The following VAV2 variants were observed in gnomAD, a reference collection of about 807,000 sequenced individuals.
The protein encoded by VAV2 is vav guanine nucleotide exchange factor 2, also known as guanine nucleotide exchange factor VAV2.
In VAV2, 67 loss-of-function variants were observed where a neutral mutation model predicts 132.5. That is an observed-to-expected ratio of 0.51 (90% CI 0.42 to 0.62). The LOEUF is 0.62. VAV2 is among the 20% of genes least tolerant of loss of function. The pLI is 0.00. For synonymous variants in VAV2, 492 were observed against 443.5 expected (o/e 1.11, Z -1.37); for missense variants, 938 against 1,153.6 (o/e 0.81, Z 2.71).
Position 133,832,552 on chromosome 9 carries a change from G to GA in VAV2, c.449+1719dup, listed in dbSNP as rs1455443971. Among the ~76,000 whole-genome samples, 6 of 150,832 alleles carry GA rather than the reference G, an allele frequency of 4.0e-5. 1 individual carries two copies. In the South Asian group the frequency reaches 1.3e-3, roughly 32 times the overall value. Reference sequence around the variant, plus strand: ...TGCATGCTGGAGTGAGCTGTTTTTGGAATTTTCTTTTTTTTTTTTACCCCA... The same window carrying GA: ...TGCATGCTGGAGTGAGCTGTTTTTGGAAATTTTCTTTTTTTTTTTTACCCCA... On this transcript the variant is annotated intron_variant, in intron 4 of 29. Coordinates refer to ENST00000371850, the MANE Select transcript of VAV2 (RefSeq NM_001134398.2).
rs547612545 is a variant in VAV2 at position 133,992,186 on chromosome 9, G to A, written c.93C>T (p.Phe31=). The part of the protein sequence containing the change: ...HRVVWPSAVV[F]DLAQALRDGV... ...CGTCGCGCAGCGCCTGCGCCAGGTC[G>A]AAGACCACGGCCGAGGGCCACACCA... Residue 31 remains phenylalanine (F), a synonymous_variant, in exon 1 of 30, where the codon TTC becomes TTT. Transcript: ENST00000371850. The surrounding 1 kb of genome is among the most constrained non-coding windows in gnomAD (Gnocchi z 5.5). The A allele has an allele frequency of 8.3e-5, 132 of 1,598,604 alleles. 2 individuals are homozygous for A. The South Asian group carries it at 1.5e-3, about 18-fold the overall frequency.
At chr9:133,780,821 G>A (rs1484712370) in intron 19 of VAV2, 111 bp from the exon 20 acceptor site, 1 of 1,173,804 alleles carries the variant, frequency 8.5e-7, no homozygotes, top group South Asian at 4.4e-5. Flanking sequence ...GATGGTAAGT[G>A]AGCCAAGCTA....
chr9:133,868,868 C>T (rs1439114883), intron 2 of VAV2, among the ~76,000 whole-genome samples: 1 of 152,218 alleles, frequency 6.6e-6, no homozygotes, highest in Non-Finnish European at 1.5e-5. Context: ...CAGGTGGATG[C>T]AGGTGTGCCT....
intron 3 of VAV2, among the ~76,000 whole-genome samples, chr9:133,843,035 C>T (rs2131815475): frequency 6.6e-6 from 1 of 152,330 alleles, no homozygotes; most frequent in South Asian, 2.1e-4. Context: ...ACAGCTCCAA[C>T]TGTCAAAACA....
In VAV2 at chr9:133,788,780, G is replaced by A. The variant is rs535995080; in HGVS notation, c.1275-294C>T. On this transcript the variant is annotated intron_variant, in intron 14 of 29. Coordinates refer to ENST00000371850, the MANE Select transcript of VAV2 (RefSeq NM_001134398.2). This position sits in a 1 kb window ranked among gnomAD's most constrained non-coding sequence, Gnocchi z 5.3. The stretch of plus-strand genomic sequence containing the variant: ...GGCCTCCCATGCAGCACTGACCCCC[G>A]ACGGCTACTCCCAGTTGATCCCGCG... Among the ~76,000 whole-genome samples, 37 of 152,250 alleles carry A rather than the reference G, an allele frequency of 2.4e-4. No homozygotes were observed. The highest frequency in any genetic ancestry group is 3.9e-4 in the Admixed American group (6 of 15,306).
At chr9:133,946,498 C>A (rs948973205) in intron 1 of VAV2, among the ~76,000 whole-genome samples, 4 of 152,222 alleles carry the variant, frequency 2.6e-5, no homozygotes, top group Non-Finnish European at 5.9e-5. Flanking sequence ...CCACGCCCTG[C>A]GGCAAAGGCT....
chr9:133,873,660 G>A (rs1838148446), intron 2 of VAV2, among the ~76,000 whole-genome samples: 1 of 152,212 alleles, frequency 6.6e-6, no homozygotes, highest in Non-Finnish European at 1.5e-5. Context: ...GCATGAGGCA[G>A]CTGCATCAGG....
intron 1 of VAV2, among the ~76,000 whole-genome samples, chr9:133,983,165 C>A (rs2132297732): frequency 6.6e-6 from 1 of 152,292 alleles, no homozygotes; most frequent in South Asian, 2.1e-4. Flanking sequence ...CACACTGGCC[C>A]CACCAGGTTG....
intron 1 of VAV2, among the ~76,000 whole-genome samples, chr9:133,945,988 T>C (rs904584308): frequency 6.6e-6 from 1 of 152,230 alleles, no homozygotes; most frequent in African/African-American, 2.4e-5. Context: ...CCCACGATGC[T>C]GGGACTCTCA....
At chr9:133,915,857 G>T (rs1271864765) in intron 2 of VAV2, among the ~76,000 whole-genome samples, 4 of 131,220 alleles carry the variant, frequency 3.0e-5, no homozygotes, top group Non-Finnish European at 4.7e-5. Context: ...ACACACACAC[G>T]ATGTACATGT....
chr9:133,984,512 C>T (rs1456860362), intron 1 of VAV2, among the ~76,000 whole-genome samples: 1 of 152,160 alleles, frequency 6.6e-6, no homozygotes, highest in East Asian at 1.9e-4. Context: ...ACTTGGGAGG[C>T]TGTAGTGAAA....
intron 1 of VAV2, among the ~76,000 whole-genome samples, chr9:133,942,463 G>A (rs1012190737): frequency 2.6e-5 from 4 of 152,292 alleles, no homozygotes; most frequent in African/African-American, 9.6e-5. Flanking sequence ...GACAGCCCCA[G>A]ACACTGGAGC....
At chr9:133,819,553 C>T (rs1835705068) in intron 4 of VAV2, among the ~76,000 whole-genome samples, 1 of 152,182 alleles carries the variant, frequency 6.6e-6, no homozygotes, top group Admixed American at 6.5e-5. Flanking sequence ...AACATCCCTT[C>T]TCTCCCTTCC....
At chr9:133,940,686 T>TGCGTGTGCGTGTGCGTGC (rs146832734) in intron 1 of VAV2, among the ~76,000 whole-genome samples, 2 of 149,770 alleles carry the variant, frequency 1.3e-5, no homozygotes, top group Admixed American at 6.6e-5. Flanking sequence ...TGTGTGTGTG[T>TGCGTGTGCGTGTGCGTGC]GTGTGTGTGT....
intron 4 of VAV2, among the ~76,000 whole-genome samples, chr9:133,830,725 C>T (rs1836230646): frequency 6.6e-6 from 1 of 152,222 alleles, no homozygotes; most frequent in African/African-American, 2.4e-5. Flanking sequence ...TACATTACCT[C>T]CCCAAGTAGG....
At chr9:133,872,501 T>C (rs1167524440) in intron 2 of VAV2, among the ~76,000 whole-genome samples, 2 of 146,306 alleles carry the variant, frequency 1.4e-5, no homozygotes, top group South Asian at 4.2e-4. Flanking sequence ...GGGCACAGCC[T>C]CTCCTCGGCT....
At position 133,883,742 on chromosome 9, in the gene VAV2, C is replaced by T. The variant is rs1433647701; in HGVS notation, c.322-22310G>A. ...ACAGGGAGCTCACTACCCAAGGTGG[C>T]GGACGAGAAGCCCTCCCGGGATCCA... On this transcript the variant is annotated intron_variant, in intron 2 of 29. Coordinates refer to ENST00000371850, the MANE Select transcript of VAV2 (RefSeq NM_001134398.2). This position sits in a 1 kb window ranked among gnomAD's most constrained non-coding sequence, Gnocchi z 4.2. 6.6e-6 allele frequency among the ~76,000 whole-genome samples: 1 copy of T among 152,182 alleles called. No individual in the cohort carries two copies. The highest frequency in any genetic ancestry group is 6.5e-5 in the Admixed American group (1 of 15,278).
Position 133,912,722 on chromosome 9 carries a change from TA to T in VAV2, c.321+26380del, listed in dbSNP as rs767717037. ...GCTGCAGTCACCGGTGGTTGACTAT[TA>T]GGGGGGATAGTTGTGTTCTTTTATT... On this transcript the variant is annotated intron_variant, in intron 2 of 29. Transcript: ENST00000371850. The surrounding 1 kb of genome is among the most constrained non-coding windows in gnomAD (Gnocchi z 4.3). 2.0e-5 allele frequency among the ~76,000 whole-genome samples: 3 copies of T among 152,166 alleles called. No homozygotes were observed. The highest frequency in any genetic ancestry group is 4.8e-5 in the African/African-American group (2 of 41,446).
intron 3 of VAV2, among the ~76,000 whole-genome samples, chr9:133,846,820 C>T (rs1006196983): frequency 8.5e-5 from 13 of 152,346 alleles, no homozygotes; most frequent in Admixed American, 4.6e-4. Context: ...GGCCGACGGG[C>T]GGCAGGGATG....
Sources: allele counts gnomAD v4.1 joint callset (sites outside exome capture counted in the v4.1 genomes callset), GRCh38; gene constraint gnomAD v4.1.1; non-coding constraint Gnocchi (gnomAD v3.1); transcripts MANE v1.5; gene names NCBI Gene and HGNC (gene_info 2026-07-23, HGNC 2026-07-21).